Variants in IRAK2 observed in about 807,000 individuals in gnomAD.
The protein encoded by IRAK2 is interleukin 1 receptor associated kinase 2, also known as interleukin-1 receptor-associated kinase-like 2.
A neutral mutation model predicts 72.0 loss-of-function variants in IRAK2; 57 were observed. The ratio of observed to expected loss-of-function variants is 0.79; its 90% CI spans 0.64 to 0.99. IRAK2 has a LOEUF of 0.99. IRAK2 is among the 50% of genes least tolerant of loss of function. The probability of loss-of-function intolerance (pLI) is 0.00; values close to 1 mark genes in which losing one functional copy is unlikely to be tolerated. For synonymous variants in IRAK2, 293 were observed against 312.7 expected (o/e 0.94, Z 0.67); for missense variants, 790 against 794.4 (o/e 0.99, Z 0.07).
intron 11 of IRAK2, among the ~76,000 whole-genome samples, chr3:10,235,261 C>T (rs976940168): frequency 6.6e-6 from 1 of 152,044 alleles, no homozygotes; most frequent in East Asian, 1.9e-4. Flanking sequence ...TGAGAAGTAG[C>T]CGTGGCTTCC....
intron 2 of IRAK2, among the ~76,000 whole-genome samples, chr3:10,196,824 G>T (rs1378453833): frequency 1.3e-5 from 2 of 152,258 alleles, no homozygotes; most frequent in East Asian, 3.9e-4. Flanking sequence ...ACACAACGTG[G>T]ACATTCGTTG....
rs1244353594 is a variant in IRAK2, at chr3:10,188,524, TTATG to T, written c.277+10508_277+10511del. The stretch of plus-strand genomic sequence containing the variant: ...AATTTTTGTAATTTTATTTATTTAT[TTATG>T]TATTTATTTATTTTTGAAATGGAGT... On this transcript the variant is annotated intron_variant, in intron 2 of 12. Coordinates refer to ENST00000256458, the MANE Select transcript of IRAK2 (RefSeq NM_001570.4). 2.7e-5 allele frequency among the ~76,000 whole-genome samples: 4 copies of T among 149,774 alleles called. No individual in the cohort carries two copies. The East Asian group carries it at 7.9e-4, about 30-fold the overall frequency.
At chr3:10,192,353 T>G (rs1308903998) in intron 2 of IRAK2, among the ~76,000 whole-genome samples, 1 of 152,180 alleles carries the variant, frequency 6.6e-6, no homozygotes, top group Non-Finnish European at 1.5e-5. Context: ...GAGTCCCCTC[T>G]GCTCCAACAG....
At chr3:10,234,701 T>G in intron 11 of IRAK2, 42 bp downstream of exon 11, 2 of 1,555,520 alleles carry the variant, frequency 1.3e-6, no homozygotes, top group Non-Finnish European at 1.8e-6. Flanking sequence ...GGGCCACGCG[T>G]GGGTCCACCT....
chr3:10,183,394 T>G lies in IRAK2; in HGVS notation c.277+5374T>G, dbSNP rs1696993307. ...CAGCCTTAGTTGCCAAGGCCGTAGT[T>G]ATTTAATTTGTCAAACACTGAATAC... On this transcript the variant is annotated intron_variant, in intron 2 of 12. Transcript: ENST00000256458. Among the ~76,000 whole-genome samples, 3 of 152,304 alleles carry G rather than the reference T, an allele frequency of 2.0e-5. No individual in the cohort carries two copies. In the South Asian group the frequency reaches 6.2e-4, roughly 32 times the overall value.
intron 3 of IRAK2, among the ~76,000 whole-genome samples, chr3:10,208,473 C>A (rs987204924): frequency 2.6e-5 from 4 of 151,114 alleles, no homozygotes; most frequent in African/African-American, 7.4e-5. Flanking sequence ...AAAAAAAAAT[C>A]TTTTGTAGGA....
Position 10,189,090 on chromosome 3 carries a change from C to T in IRAK2, c.277+11070C>T, listed in dbSNP as rs555385477. On this transcript the variant is annotated intron_variant, in intron 2 of 12. Coordinates refer to ENST00000256458, the MANE Select transcript of IRAK2 (RefSeq NM_001570.4). ...AGATGAATTATAAGAAGCTAACACA[C>T]AGATGCATGTCACCCACTGCAGTAT... Among the ~76,000 whole-genome samples, 25 of 152,338 alleles carry T rather than the reference C, an allele frequency of 1.6e-4. 1 individual carries two copies. The South Asian group carries it at 5.2e-3, about 32-fold the overall frequency.
intron 2 of IRAK2, among the ~76,000 whole-genome samples, chr3:10,194,757 G>C (rs908264589): frequency 4.6e-5 from 7 of 152,200 alleles, no homozygotes. Flanking sequence ...CCAGGGTGGA[G>C]ATGAGGGCGG....
rs376333194 is a variant in IRAK2 at position 10,226,354 on chromosome 3, C to T, written c.1210-17C>T. 1.7e-5 allele frequency: 27 copies of T among 1,610,094 alleles called. No individual in the cohort carries two copies. The highest frequency in any genetic ancestry group is 1.3e-4 in the African/African-American group (10 of 74,864). On this transcript the variant is annotated splice_polypyrimidine_tract_variant and intron_variant, in intron 9 of 12. Coordinates refer to ENST00000256458, the MANE Select transcript of IRAK2 (RefSeq NM_001570.4). ...CGAGCGTCTGAACCATGCTAACTCA[C>T]GTTCTGTTCTCTCCAGGTGTTGGCC...
intron 1 of IRAK2, among the ~76,000 whole-genome samples, chr3:10,171,949 A>T (rs1696800373): frequency 6.6e-6 from 1 of 151,668 alleles, no homozygotes; most frequent in African/African-American, 2.4e-5. Flanking sequence ...CATTTTCAGT[A>T]GAGATGGGCT....
intron 4 of IRAK2, 94 bp from the exon 5 acceptor site, chr3:10,213,113 C>A (rs11465897): frequency 0.33 from 339,220 of 1,034,628 alleles, 60,585 homozygotes; most frequent in Non-Finnish European, 0.38. Flanking sequence ...TTGATCCCCT[C>A]CATCCCTCCA....
At chr3:10,241,845 C>T (rs1017762190) in intron 12 of IRAK2, among the ~76,000 whole-genome samples, 4 of 145,250 alleles carry the variant, frequency 2.8e-5, no homozygotes, top group Admixed American at 6.9e-5. Context: ...TGGTTGTGCA[C>T]GCCTGTAGTC....
intron 8 of IRAK2, among the ~76,000 whole-genome samples, chr3:10,221,454 T>C (rs887687543): frequency 2.0e-5 from 3 of 150,986 alleles, no homozygotes; most frequent in African/African-American, 4.9e-5. Context: ...AGGGTTTCAC[T>C]GTGTTAGCCA....
At position 10,226,369 on chromosome 3, in the gene IRAK2, A is replaced by G. The variant is rs771894788; in HGVS notation, c.1210-2A>G. 15 of 1,612,924 alleles carry G rather than the reference A, an allele frequency of 9.3e-6. No homozygotes were observed. Among genetic ancestry groups the G allele is most frequent in the Non-Finnish European group, 1.2e-5 (14 of 1,179,420 alleles). On this transcript the variant is annotated splice_acceptor_variant, in intron 9 of 12. Transcript: ENST00000256458. LOFTEE classifies it high-confidence loss of function. ...TGCTAACTCACGTTCTGTTCTCTCC[A>G]GGTGTTGGCCGAGGTCCTCACGGGC...
At chr3:10,192,744 C>T (rs1372813151) in intron 2 of IRAK2, among the ~76,000 whole-genome samples, 2 of 152,130 alleles carry the variant, frequency 1.3e-5, no homozygotes, top group Non-Finnish European at 2.9e-5. Context: ...TATGGCAAAA[C>T]CCCGTCTCTA....
chr3:10,169,490 G>T (rs1696758866), intron 1 of IRAK2, among the ~76,000 whole-genome samples: 1 of 152,128 alleles, frequency 6.6e-6, no homozygotes, highest in Admixed American at 6.5e-5. Flanking sequence ...ATTCCTTGCT[G>T]GGAAAAGAAT....
chr3:10,165,204 C>A (rs1696661966), intron 1 of IRAK2, among the ~76,000 whole-genome samples, 156 bp downstream of exon 1: 1 of 152,206 alleles, frequency 6.6e-6, no homozygotes, highest in African/African-American at 2.4e-5. Flanking sequence ...CCGCCGCGGA[C>A]CTCGGCCTGT....
At chr3:10,237,793 G>A (rs1303545607) in intron 11 of IRAK2, among the ~76,000 whole-genome samples, 2 of 138,678 alleles carry the variant, frequency 1.4e-5, no homozygotes, top group African/African-American at 5.7e-5. Flanking sequence ...GCGAAAGAGC[G>A]AGACTCTGTC....
chr3:10,167,771 A>G (rs1696720593), intron 1 of IRAK2, among the ~76,000 whole-genome samples: 1 of 151,956 alleles, frequency 6.6e-6, no homozygotes, highest in Admixed American at 6.6e-5. Flanking sequence ...CATTTCATTC[A>G]TTTATCAGTT....
Sources: gnomAD v4.1 joint callset for allele counts (sites outside exome capture counted in the v4.1 genomes callset) on GRCh38, gnomAD v4.1.1 for gene constraint, MANE v1.5 for transcripts, NCBI Gene and HGNC (gene_info 2026-07-23, HGNC 2026-07-21) for gene names.